Variants in PCDH15 observed in about 807,000 individuals in gnomAD.
PCDH15 encodes protocadherin related 15.
In PCDH15, 129 loss-of-function variants were observed where a neutral mutation model predicts 178.5. The observed-to-expected ratio is 0.72, with a 90% confidence interval of 0.63 to 0.84. PCDH15 has a LOEUF of 0.84. Among genes scored for constraint, PCDH15 ranks in the 40% least tolerant of loss-of-function variants. PCDH15 has a pLI of 0.00. For synonymous variants in PCDH15, 800 were observed against 732.0 expected (o/e 1.09, Z -1.50); for missense variants, 2,230 against 2,099.9 (o/e 1.06, Z -1.21).
At chr10:55,061,164 A>G (rs190579197) in intron 2 of PCDH15, among the ~76,000 whole-genome samples, 1 of 152,294 alleles carries the variant, frequency 6.6e-6, no homozygotes, top group Non-Finnish European at 1.5e-5. Context: ...TTGAGAAGAC[A>G]CATCTAATAA....
intron 2 of PCDH15, among the ~76,000 whole-genome samples, chr10:54,621,965 G>A (rs898880250): frequency 1.3e-4 from 20 of 152,010 alleles, no homozygotes; most frequent in African/African-American, 4.3e-4. Context: ...TTAGCAAAGT[G>A]GAGAATCATT....
At chr10:54,140,315 T>G (rs1303610677) in intron 14 of PCDH15, among the ~76,000 whole-genome samples, 1 of 152,174 alleles carries the variant, frequency 6.6e-6, no homozygotes, top group Non-Finnish European at 1.5e-5. Flanking sequence ...AGAAAATGTA[T>G]AGTGGTACTG....
intron 5 of PCDH15, among the ~76,000 whole-genome samples, chr10:54,356,528 T>C (rs1361497596): frequency 6.6e-6 from 1 of 151,676 alleles, no homozygotes; most frequent in Admixed American, 6.6e-5. Flanking sequence ...ACATGGTATA[T>C]ATACACTTAA....
rs562503726 is a variant in PCDH15, at chr10:55,112,129, T to C, written c.-80+54447A>G. On this transcript the variant is annotated intron_variant, in intron 2 of 5. Coordinates refer to the PCDH15 transcript ENST00000458638. ...GTTTTCCTACTATTGATATATTTCA[T>C]TGGTATATGAAATGAACTGAATGTC... Among the ~76,000 whole-genome samples the C allele has an allele frequency of 1.0e-3, 155 of 152,270 alleles. 1 individual carries two copies. The highest frequency in any genetic ancestry group is 3.6e-3 in the African/African-American group (148 of 41,566).
chr10:55,021,928 A>G (rs1232459259), intron 2 of PCDH15, among the ~76,000 whole-genome samples: 1 of 114,342 alleles, frequency 8.7e-6, no homozygotes, highest in Admixed American at 8.9e-5. Flanking sequence ...AAATATGCCA[A>G]GCACAAAAAG....
chr10:54,779,525 TAC>T lies in PCDH15; in HGVS notation c.-29+21398_-29+21399del, dbSNP rs1276505160. ...ACACATATATGTGTGTATATATATA[TAC>T]ACACACATATATATAGCATTTCTTC... On this transcript the variant is annotated intron_variant, in intron 1 of 37. Transcript: ENST00000644397. Among the ~76,000 whole-genome samples, 254 of 130,672 alleles carry T rather than the reference TAC, an allele frequency of 1.9e-3. 3 individuals carry two copies. The highest frequency in any genetic ancestry group is 6.2e-3 in the African/African-American group (199 of 32,308). 85.7% of individuals were successfully genotyped at this position (130,672 alleles called of 152,430 possible). A position where few individuals can be genotyped will look rare whatever the true frequency, so the allele number is the denominator to read the frequency against.
At chr10:54,357,977 C>T (rs1212688299) in intron 5 of PCDH15, among the ~76,000 whole-genome samples, 1 of 151,916 alleles carries the variant, frequency 6.6e-6, no homozygotes, top group Non-Finnish European at 1.5e-5. Flanking sequence ...AAAGCTGAAA[C>T]TGGATCCCTT....
intron 3 of PCDH15, among the ~76,000 whole-genome samples, chr10:54,888,491 A>G (rs947094083): frequency 6.6e-6 from 1 of 151,964 alleles, no homozygotes; most frequent in Non-Finnish European, 1.5e-5. Context: ...TTACAAATCA[A>G]ACTAGTGTGA....
intron 35 of PCDH15, among the ~76,000 whole-genome samples, chr10:53,812,313 T>C (rs34529023): frequency 0.028 from 4,232 of 152,232 alleles, 118 homozygotes; most frequent in East Asian, 0.11. Context: ...GTTCATGCCA[T>C]TCTCCTGCCT....
At chr10:54,913,494 C>T (rs539612074) in intron 2 of PCDH15, among the ~76,000 whole-genome samples, 3 of 152,292 alleles carry the variant, frequency 2.0e-5, no homozygotes, top group African/African-American at 2.4e-5. Context: ...GGGCAGAGCC[C>T]TCATGGAGAA....
At chr10:54,830,641 G>A (rs936151331) in intron 3 of PCDH15, among the ~76,000 whole-genome samples, 3 of 151,734 alleles carry the variant, frequency 2.0e-5, no homozygotes, top group Non-Finnish European at 2.9e-5. Context: ...GCTAAATGAC[G>A]AGTTAATGGG....
chr10:54,184,739 G>C (rs749902037), intron 12 of PCDH15, among the ~76,000 whole-genome samples: 12 of 151,588 alleles, frequency 7.9e-5, no homozygotes, highest in Non-Finnish European at 1.6e-4. Flanking sequence ...TCACTGGAGG[G>C]AAAATTTATT....
At chr10:55,239,326 T>C (rs1037567713) in intron 1 of PCDH15, among the ~76,000 whole-genome samples, 1 of 152,154 alleles carries the variant, frequency 6.6e-6, no homozygotes, top group Non-Finnish European at 1.5e-5. Context: ...GCAATGAACA[T>C]GGTACTGGCA....
intron 17 of PCDH15, among the ~76,000 whole-genome samples, chr10:54,073,838 T>C (rs1339159347): frequency 5.3e-5 from 8 of 152,236 alleles, no homozygotes; most frequent in Non-Finnish European, 1.0e-4. Context: ...TATTTATTTA[T>C]ATCTTTCACT....
chr10:54,609,473 T>C (rs2134219027), intron 2 of PCDH15, among the ~76,000 whole-genome samples: 1 of 152,192 alleles, frequency 6.6e-6, no homozygotes, highest in African/African-American at 2.4e-5. Context: ...ACAGATTTCT[T>C]AGCAGCATAA....
At chr10:55,176,392 T>G (rs1839487658) in intron 1 of PCDH15, among the ~76,000 whole-genome samples, 1 of 152,100 alleles carries the variant, frequency 6.6e-6, no homozygotes, top group Admixed American at 6.6e-5. Context: ...GTCTTCCCCC[T>G]GGTGGAGACT....
intron 2 of PCDH15, among the ~76,000 whole-genome samples, chr10:54,630,241 C>T (rs1394475540): frequency 1.3e-5 from 2 of 152,104 alleles, no homozygotes; most frequent in Non-Finnish European, 2.9e-5. Flanking sequence ...AAGCTGGAGG[C>T]ATCACATTAC....
intron 3 of PCDH15, among the ~76,000 whole-genome samples, chr10:54,882,381 G>A (rs1171912540): frequency 2.0e-5 from 3 of 152,002 alleles, no homozygotes; most frequent in Non-Finnish European, 4.4e-5. Flanking sequence ...GTCGGAAAAT[G>A]TCTACTTCCC....
At chr10:53,998,401 G>T (rs147155888) in intron 20 of PCDH15, among the ~76,000 whole-genome samples, 1,704 of 152,138 alleles carry the variant, frequency 0.011, 16 homozygotes, top group Middle Eastern at 0.024. Flanking sequence ...CATGTGTCAA[G>T]CAAATAAAAT....
Sources: allele counts gnomAD v4.1 joint callset (sites outside exome capture counted in the v4.1 genomes callset), GRCh38; gene constraint gnomAD v4.1.1; transcripts MANE v1.5; gene names NCBI Gene and HGNC (gene_info 2026-07-23, HGNC 2026-07-21).